Variants in ZFYVE9 observed in about 807,000 individuals in gnomAD.
ZFYVE9 encodes the protein zinc finger FYVE domain-containing protein 9.
A neutral mutation model predicts 126.7 loss-of-function variants in ZFYVE9; 43 were observed. The observed-to-expected ratio is 0.34, with a 90% CI of 0.27 to 0.44. The LOEUF is 0.44. Ranked by LOEUF, ZFYVE9 falls within the 20% of genes least tolerant of loss-of-function variation. ZFYVE9 has a pLI of 1.00. For synonymous variants in ZFYVE9, 521 were observed against 597.4 expected, an observed-to-expected ratio of 0.87 and a Z score of 1.87; for missense variants, 1,476 against 1,697.0, an observed-to-expected ratio of 0.87 and a Z score of 2.29.
intron 1 of ZFYVE9, among the ~76,000 whole-genome samples, chr1:52,195,704 A>G (rs1362342731): frequency 6.6e-6 from 1 of 152,170 alleles, no homozygotes; most frequent in Admixed American, 6.5e-5. Flanking sequence ...TATTTTGGAC[A>G]CAGAGTATTA....
chr1:52,273,757 A>G (rs1441428346), intron 7 of ZFYVE9, among the ~76,000 whole-genome samples: 2 of 150,538 alleles, frequency 1.3e-5, no homozygotes, highest in African/African-American at 4.9e-5. Context: ...GAACCTGGGA[A>G]GCAGAGGTTG....
At chr1:52,227,354 C>G (rs532039305) in intron 2 of ZFYVE9, among the ~76,000 whole-genome samples, 2 of 47,568 alleles carry the variant, frequency 4.2e-5, no homozygotes, top group Non-Finnish European at 7.2e-5. Flanking sequence ...AAATCTCATC[C>G]TTCAGGCGTT....
intron 14 of ZFYVE9, among the ~76,000 whole-genome samples, chr1:52,333,423 T>C (rs1219228128): frequency 6.6e-6 from 1 of 152,104 alleles, no homozygotes; most frequent in African/African-American, 2.4e-5. Context: ...TCCCACAGAA[T>C]GCTAATTAAC....
intron 1 of ZFYVE9, among the ~76,000 whole-genome samples, chr1:52,150,989 CTTTT>C (rs57055558): frequency 7.8e-6 from 1 of 127,624 alleles, no homozygotes. Flanking sequence ...TGATAATTGT[CTTTT>C]TTTTTTTTTT....
intron 17 of ZFYVE9, 51 bp downstream of exon 17, chr1:52,340,282 G>A (rs371695289): frequency 4.9e-5 from 69 of 1,416,422 alleles, no homozygotes; most frequent in Middle Eastern, 3.5e-4. Flanking sequence ...ACAACTTTTT[G>A]CTAGGCCAAG....
At position 52,216,479 on chromosome 1, in the gene ZFYVE9, GAA is replaced by G. The variant is rs1271158741; in HGVS notation, c.-37+8_-37+9del. 2.5e-6 allele frequency: 1 copy of G among 398,316 alleles called. No homozygotes were observed. Among genetic ancestry groups the G allele is most frequent in the African/African-American group, 2.1e-5 (1 of 48,606 alleles). 24.7% of individuals were successfully genotyped at this position (398,316 alleles called of 1,614,324 possible). A position where few individuals can be genotyped will look rare whatever the true frequency, so the allele number is the denominator to read the frequency against. On this transcript the variant is annotated splice_donor_region_variant and intron_variant, in intron 2 of 18. Transcript: ENST00000287727. Reference sequence around the variant, plus strand: ...CACGTGTGTAAGGGGAAAAAGGTAAGAAAATGTTTTTATTTCTCTTAGAGATT... The same window carrying G: ...CACGTGTGTAAGGGGAAAAAGGTAAGAATGTTTTTATTTCTCTTAGAGATT...
In ZFYVE9 at chr1:52,340,823, C is replaced by G. The variant is rs529659468; in HGVS notation, c.3939+592C>G. The stretch of plus-strand genomic sequence containing the variant: ...GGCTGAGGCATGGGAATCACTTGAA[C>G]CCGGGAGGCAGAGGTTACAGTGAGC... On this transcript the variant is annotated intron_variant, in intron 17 of 18. Coordinates refer to ENST00000287727, the MANE Select transcript of ZFYVE9 (RefSeq NM_004799.4). Among the ~76,000 whole-genome samples, 3 of 147,316 alleles carry G rather than the reference C, an allele frequency of 2.0e-5. No individual in the cohort carries two copies. The Admixed American group carries it at 2.1e-4, about 10-fold the overall frequency.
intron 1 of ZFYVE9, among the ~76,000 whole-genome samples, chr1:52,182,611 G>GCGGAAGGC (rs1362354685): frequency 4.6e-5 from 7 of 151,884 alleles, no homozygotes; most frequent in African/African-American, 7.2e-5. Flanking sequence ...CACAAACACT[G>GCGGAAGGC]CGGAAGGCTG....
At chr1:52,161,540 C>G (rs894727137) in intron 1 of ZFYVE9, among the ~76,000 whole-genome samples, 3 of 152,156 alleles carry the variant, frequency 2.0e-5, no homozygotes, top group African/African-American at 7.2e-5. Flanking sequence ...ATCCGCCTGC[C>G]TCAGCCTCCC....
chr1:52,296,000 T>C (rs373449668), intron 12 of ZFYVE9, 23 bp downstream of exon 12: 13 of 1,606,136 alleles, frequency 8.1e-6, no homozygotes, highest in Non-Finnish European at 1.0e-5. Context: ...TTTTTTTTCC[T>C]TTGTCCTTAC....
At chr1:52,195,554 A>G (rs1238112552) in intron 1 of ZFYVE9, among the ~76,000 whole-genome samples, 1 of 152,196 alleles carries the variant, frequency 6.6e-6, no homozygotes, top group Non-Finnish European at 1.5e-5. Context: ...TATACCCACT[A>G]TTTAGGATTG....
chr1:52,244,480 T>A (rs1461335943), intron 4 of ZFYVE9, among the ~76,000 whole-genome samples: 1 of 152,054 alleles, frequency 6.6e-6, no homozygotes, highest in Non-Finnish European at 1.5e-5. Context: ...CATGAAGAAA[T>A]TTACACCTGA....
At chr1:52,227,084 C>G (rs1469414677) in intron 2 of ZFYVE9, among the ~76,000 whole-genome samples, 1 of 152,226 alleles carries the variant, frequency 6.6e-6, no homozygotes, top group African/African-American at 2.4e-5. Context: ...ACACTACTCA[C>G]TAATGGAATG....
chr1:52,263,654 T>C, intron 4 of ZFYVE9, 119 bp from the exon 5 acceptor site: 1 of 495,230 alleles, frequency 2.0e-6, no homozygotes, highest in Non-Finnish European at 3.6e-6. Context: ...TCTTTGAAAC[T>C]TTAGTATTGT....
intron 1 of ZFYVE9, among the ~76,000 whole-genome samples, chr1:52,186,857 A>G (rs925122039): frequency 6.6e-6 from 1 of 152,238 alleles, no homozygotes; most frequent in Non-Finnish European, 1.5e-5. Context: ...ATGATTATGG[A>G]TAGGAAGAAT....
In ZFYVE9 at chr1:52,308,480, G is replaced by A. The variant is rs577375490; in HGVS notation, c.3438+4555G>A. Among the ~76,000 whole-genome samples, 14 of 152,148 alleles carry A rather than the reference G, an allele frequency of 9.2e-5. No individual in the cohort carries two copies. In the South Asian group the frequency reaches 2.5e-3, roughly 27 times the overall value. ...GGAATTACAGGCATCACTACACCCG[G>A]CCATAATTTTCTTGTACATTTTATT... On this transcript the variant is annotated intron_variant, in intron 13 of 18. Transcript: ENST00000287727.
chr1:52,274,460 C>T lies in ZFYVE9; in HGVS notation c.2626-4C>T. The T allele has an allele frequency of 1.2e-6, 2 of 1,603,658 alleles. No individual in the cohort carries two copies. Among genetic ancestry groups the T allele is most frequent in the East Asian group, 4.5e-5 (2 of 44,648 alleles). On this transcript the variant is annotated splice_region_variant and splice_polypyrimidine_tract_variant and intron_variant, in intron 7 of 18. Coordinates refer to ENST00000287727, the MANE Select transcript of ZFYVE9 (RefSeq NM_004799.4). ...TGCTCACTTTGTTGATTTGCTTTTC[C>T]TAGACGGATATTTGTCTATTCTCTG...
intron 1 of ZFYVE9, among the ~76,000 whole-genome samples, chr1:52,147,484 A>G (rs546427769): frequency 6.6e-6 from 1 of 152,300 alleles, no homozygotes; most frequent in South Asian, 2.1e-4. Context: ...ATTTCATGTA[A>G]GTGGAATCAT....
chr1:52,148,778 A>G (rs1387145144), intron 1 of ZFYVE9, among the ~76,000 whole-genome samples: 1 of 150,178 alleles, frequency 6.7e-6, no homozygotes, highest in Non-Finnish European at 1.5e-5. Context: ...GGTAGCGGGG[A>G]CTACAGGTGC....
Sources: allele counts gnomAD v4.1 joint callset (sites outside exome capture counted in the v4.1 genomes callset), GRCh38; gene constraint gnomAD v4.1.1; transcripts MANE v1.5; gene names NCBI Gene and HGNC (gene_info 2026-07-23, HGNC 2026-07-21).